The following DAB1 variants were observed in gnomAD, a reference collection of about 807,000 sequenced individuals.
DAB1 encodes disabled homolog 1.
In DAB1, 15 loss-of-function variants were observed where a neutral mutation model predicts 64.6. The ratio of observed to expected loss-of-function variants is 0.23; its 90% CI spans 0.16 to 0.36. The LOEUF is 0.36. DAB1 is among the 10% of genes least tolerant of loss of function. DAB1 has a pLI of 1.00. For missense variants in DAB1, 596 were observed against 706.7 expected (o/e 0.84, Z 1.78); for synonymous variants, 235 against 251.9 (o/e 0.93, Z 0.64).
At chr1:58,121,374 C>T (rs1570379323) in intron 5 of DAB1, among the ~76,000 whole-genome samples, 2 of 152,152 alleles carry the variant, frequency 1.3e-5, no homozygotes, top group Admixed American at 6.6e-5. Context: ...AATGTCTATT[C>T]TGATTGTAAA....
At chr1:57,132,815 T>A (rs1232896217) in intron 4 of DAB1, among the ~76,000 whole-genome samples, 2 of 152,042 alleles carry the variant, frequency 1.3e-5, no homozygotes, top group Non-Finnish European at 1.5e-5. Context: ...TTGTCTTCAC[T>A]CAGGAAAGCT....
chr1:57,825,853 G>T (rs1031678743), downstream of DAB1, among the ~76,000 whole-genome samples: 1 of 152,132 alleles, frequency 6.6e-6, no homozygotes, highest in Non-Finnish European at 1.5e-5. Flanking sequence ...TGAGGAAAGG[G>T]TAAAGAAACA....
chr1:58,398,208 C>G (rs544572977), intron 3 of DAB1, among the ~76,000 whole-genome samples: 3 of 152,212 alleles, frequency 2.0e-5, no homozygotes, highest in Non-Finnish European at 4.4e-5. Context: ...CTCCATGATC[C>G]AGACTTGTCT....
chr1:57,239,561 C>T (rs1668353666), intron 2 of DAB1, among the ~76,000 whole-genome samples: 1 of 152,138 alleles, frequency 6.6e-6, no homozygotes, highest in African/African-American at 2.4e-5. Flanking sequence ...TATAGCCGGC[C>T]TTTCACATTC....
rs1403594150 is a variant in DAB1, at chr1:58,132,238, G to C, written n.387+18273C>G. On this transcript the variant is annotated intron_variant and non_coding_transcript_variant, in intron 5 of 20. Transcript: ENST00000485760. ...CCGATTTTCCAGGTGCGGTCCGTCAGCGATTTCTTTGACTCAGAAAGGGAA... is the reference window on the plus strand; with the variant it reads ...CCGATTTTCCAGGTGCGGTCCGTCACCGATTTCTTTGACTCAGAAAGGGAA... 2.6e-5 allele frequency among the ~76,000 whole-genome samples: 4 copies of C among 152,272 alleles called. No individual in the cohort carries two copies. In the East Asian group the frequency reaches 5.8e-4, roughly 22 times the overall value.
intron 1 of DAB1, among the ~76,000 whole-genome samples, chr1:57,422,063 T>C (rs1684954688): frequency 6.6e-6 from 1 of 152,128 alleles, no homozygotes; most frequent in South Asian, 2.1e-4. Flanking sequence ...GTTTGTAATT[T>C]TATGGATTTC....
At chr1:57,085,989 C>A (rs1195698684) in intron 4 of DAB1, among the ~76,000 whole-genome samples, 2 of 152,044 alleles carry the variant, frequency 1.3e-5, no homozygotes, top group African/African-American at 4.8e-5. Context: ...ACTTGCAGAG[C>A]TATAAAACAG....
chr1:57,804,463 G>T (rs1651271797), intron 6 of DAB1, among the ~76,000 whole-genome samples: 1 of 152,076 alleles, frequency 6.6e-6, no homozygotes, highest in South Asian at 2.1e-4. Context: ...AAGCACACTG[G>T]GTTGAGCCTG....
intron 5 of DAB1, among the ~76,000 whole-genome samples, chr1:57,969,775 T>G (rs894578937): frequency 1.3e-5 from 2 of 152,192 alleles, no homozygotes; most frequent in Non-Finnish European, 2.9e-5. Context: ...TTCTACCTAG[T>G]TATTAACTTT....
intron 1 of DAB1, among the ~76,000 whole-genome samples, chr1:57,843,056 GTATCATACCACA>G (rs1653124589): frequency 6.6e-6 from 1 of 152,140 alleles, no homozygotes. Flanking sequence ...TCATAAGAGA[GTATCATACCACA>G]TATCACTAGA....
chr1:57,768,684 A>T (rs930568396), intron 6 of DAB1, among the ~76,000 whole-genome samples: 21 of 151,832 alleles, frequency 1.4e-4, no homozygotes, highest in African/African-American at 2.7e-4. Context: ...GTATACATGT[A>T]TTTTTTAAAG....
At chr1:57,549,280 T>G (rs1644888922) in intron 7 of DAB1, among the ~76,000 whole-genome samples, 1 of 152,194 alleles carries the variant, frequency 6.6e-6, no homozygotes, top group African/African-American at 2.4e-5. Flanking sequence ...GAAATGGTAT[T>G]AGTTTTGCAT....
intron 5 of DAB1, among the ~76,000 whole-genome samples, chr1:57,981,754 A>G (rs902628543): frequency 1.3e-5 from 2 of 152,208 alleles, no homozygotes; most frequent in African/African-American, 4.8e-5. Context: ...TTCAGTGCTG[A>G]GCAAATGAGC....
chr1:58,122,605 A>AC (rs1230681780), intron 5 of DAB1, among the ~76,000 whole-genome samples: 1 of 151,986 alleles, frequency 6.6e-6, no homozygotes. Flanking sequence ...TGTAAAAAAA[A>AC]AAAATGCATT....
At chr1:58,130,784 C>T (rs1248302071) in intron 5 of DAB1, among the ~76,000 whole-genome samples, 1 of 152,044 alleles carries the variant, frequency 6.6e-6, no homozygotes, top group East Asian at 1.9e-4. Flanking sequence ...TGAATATTGG[C>T]CCCCACTCTC....
chr1:57,182,132 G>A (rs510230), intron 2 of DAB1, among the ~76,000 whole-genome samples: 9,099 of 152,186 alleles, frequency 0.06, 386 homozygotes, highest in Middle Eastern at 0.12. Context: ...TGATCTGCCC[G>A]CCTTGGCCTC....
intron 3 of DAB1, among the ~76,000 whole-genome samples, chr1:58,348,267 T>C (rs940273560): frequency 1.2e-4 from 18 of 152,156 alleles, no homozygotes; most frequent in Non-Finnish European, 2.4e-4. Context: ...CTAAATAATG[T>C]ACTCAAGATT....
At chr1:58,361,858 T>TCCCC (rs373117902) in intron 3 of DAB1, among the ~76,000 whole-genome samples, 6 of 98,580 alleles carry the variant, frequency 6.1e-5, no homozygotes, top group Admixed American at 1.4e-4. Flanking sequence ...CCATCAAAGA[T>TCCCC]CCCCCTTTTT....
chr1:58,441,679 C>T (rs1484242416), intron 3 of DAB1, among the ~76,000 whole-genome samples: 1 of 152,180 alleles, frequency 6.6e-6, no homozygotes, highest in Non-Finnish European at 1.5e-5. Flanking sequence ...ATATGGTTTT[C>T]CTACCAGCGT....
Sources: gnomAD v4.1 joint callset for allele counts (sites outside exome capture counted in the v4.1 genomes callset) on GRCh38, gnomAD v4.1.1 for gene constraint, MANE v1.5 for transcripts, NCBI Gene and HGNC (gene_info 2026-07-23, HGNC 2026-07-21) for gene names.